MYO7A: variants seen among roughly 807,000 people sequenced by gnomAD.
MYO7A encodes myosin VIIA.
Under a neutral mutation model 263.8 loss-of-function variants are expected in MYO7A, and 210 were observed. The ratio of observed to expected loss-of-function variants is 0.80; its 90% CI spans 0.71 to 0.89. MYO7A has a LOEUF of 0.89. Among genes scored for constraint, MYO7A ranks in the 40% least tolerant of loss-of-function variants. The pLI, the probability that MYO7A is intolerant of heterozygous loss-of-function variation, is 0.00. For synonymous variants in MYO7A, 1,239 were observed against 1,197.3 expected, an observed-to-expected ratio of 1.03 and a Z score of -0.72; for missense variants, 2,820 against 2,968.3, an observed-to-expected ratio of 0.95 and a Z score of 1.16.
chr11:77,163,950 A>G (rs1330132344), intron 14 of MYO7A, among the ~76,000 whole-genome samples: 2 of 152,072 alleles, frequency 1.3e-5, no homozygotes, highest in African/African-American at 4.8e-5. Flanking sequence ...GCTTGTTTGC[A>G]CATTTAGGGA....
intron 20 of MYO7A, among the ~76,000 whole-genome samples, 183 bp from the exon 21 acceptor site, chr11:77,179,552 A>G (rs917417752): frequency 6.6e-6 from 1 of 152,198 alleles, no homozygotes; most frequent in Admixed American, 6.5e-5. Context: ...ACCTAAAAAT[A>G]TGTTGCCTGA....
At position 77,192,162 on chromosome 11, in the gene MYO7A, T is replaced by G; in HGVS notation, c.4036T>G (p.Phe1346Val). 1 of 1,614,008 alleles carries G rather than the reference T, an allele frequency of 6.2e-7. No individual in the cohort carries two copies. The highest frequency in any genetic ancestry group is 8.5e-7 in the Non-Finnish European group (1 of 1,179,886). ...QERNAPWRLF[F>V]RKEVFTPWHS... ...GCGCAACGCCCCCTGGAGGCTCTTC[T>G]TCCGCAAAGAGGTCTTCACGCCCTG... The change falls in exon 31 of 49, where the codon TTC becomes GTC. Residue 1346 changes from phenylalanine (F) to valine (V), a missense_variant. By Grantham distance (50) the Phe-to-Val change is conservative (BLOSUM62 -1). Coordinates refer to ENST00000409709, the MANE Select transcript of MYO7A (RefSeq NM_000260.4).
At chr11:77,212,104 G>A (rs1168925512) in intron 46 of MYO7A, 167 bp downstream of exon 46, 2 of 708,692 alleles carry the variant, frequency 2.8e-6, no homozygotes, top group Non-Finnish European at 5.1e-6. Flanking sequence ...GTCTTAGCTG[G>A]GGTAAGTCCT....
chr11:77,142,065 G>A (rs1294582481), intron 2 of MYO7A, among the ~76,000 whole-genome samples: 1 of 152,202 alleles, frequency 6.6e-6, no homozygotes, highest in African/African-American at 2.4e-5. Flanking sequence ...CTCTGACTTG[G>A]GATTTTACGT....
chr11:77,149,924 G>A (rs781844190), intron 4 of MYO7A, among the ~76,000 whole-genome samples: 34 of 152,152 alleles, frequency 2.2e-4, no homozygotes, highest in Non-Finnish European at 2.2e-4. Context: ...GTATCTCACA[G>A]GGACCCGCTG....
At position 77,158,394 on chromosome 11, in the gene MYO7A, G is replaced by A. The variant is rs1250301241; in HGVS notation, c.967G>A (p.Ala323Thr). Residue 323 changes from alanine to threonine, a missense_variant, in exon 9 of 49, where the codon GCT becomes ACT. Coordinates refer to ENST00000409709, the MANE Select transcript of MYO7A (RefSeq NM_000260.4). ...GAACTGGGAGATCTCGAAGCTCCTG[G>A]CTGCCATCCTGCACCTGGGCAACCT... is the stretch of plus-strand genomic sequence containing the variant. ...TENWEISKLLAAILHLGNLQY... is the reference protein window; with the variant it reads ...TENWEISKLLTAILHLGNLQY... The A allele has an allele frequency of 5.0e-6, 8 of 1,612,864 alleles. No homozygotes were observed. The highest frequency in any genetic ancestry group is 6.8e-6 in the Non-Finnish European group (8 of 1,179,782).
chr11:77,158,387 G>T lies in MYO7A; in HGVS notation c.960G>T (p.Lys320Asn). Reference sequence around the variant, plus strand: ...ACACCGAGAACTGGGAGATCTCGAAGCTCCTGGCTGCCATCCTGCACCTGG... The same window carrying T: ...ACACCGAGAACTGGGAGATCTCGAATCTCCTGGCTGCCATCCTGCACCTGG... ...FTDTENWEIS[K>N]LLAAILHLGN... is the part of the protein sequence containing the mutation. Residue 320 changes from lysine (K) to asparagine (N), a missense_variant, in exon 9 of 49, where the codon AAG (lysine) becomes AAT (asparagine). Coordinates refer to ENST00000409709, the MANE Select transcript of MYO7A (RefSeq NM_000260.4). 6.2e-7 allele frequency: 1 copy of T among 1,613,034 alleles called. No homozygotes were observed. Among genetic ancestry groups the T allele is most frequent in the Non-Finnish European group, 8.5e-7 (1 of 1,179,800 alleles).
intron 34 of MYO7A, 133 bp downstream of exon 34, chr11:77,198,754 C>T: frequency 7.3e-7 from 1 of 1,374,932 alleles, no homozygotes; most frequent in East Asian, 2.5e-5. Context: ...GTTTGTGCCG[C>T]ACTGTGCAGA....
At chr11:77,182,687 A>AG (rs377324147) in intron 25 of MYO7A, 87 bp downstream of exon 25, 77 of 1,301,280 alleles carry the variant, frequency 5.9e-5, no homozygotes, top group Non-Finnish European at 7.9e-5. Flanking sequence ...TCCTCTGCAG[A>AG]AAAAGGATCC....
intron 2 of MYO7A, among the ~76,000 whole-genome samples, chr11:77,131,976 T>C (rs1483664478): frequency 6.6e-6 from 1 of 152,150 alleles, no homozygotes; most frequent in Non-Finnish European, 1.5e-5. Flanking sequence ...TTTCCTCATA[T>C]GTAAAATGAA....
At chr11:77,145,833 G>A (rs933668632) in intron 3 of MYO7A, among the ~76,000 whole-genome samples, 1 of 152,196 alleles carries the variant, frequency 6.6e-6, no homozygotes, top group Non-Finnish European at 1.5e-5. Context: ...TGAGGGCCTG[G>A]GCAGGCTGCC....
chr11:77,189,179 C>T (rs1555090071), intron 27 of MYO7A, among the ~76,000 whole-genome samples, 165 bp from the exon 28 acceptor site: 1 of 152,132 alleles, frequency 6.6e-6, no homozygotes, highest in Non-Finnish European at 1.5e-5. Flanking sequence ...AGACCCCAGC[C>T]CTTGGCTCAG....
intron 2 of MYO7A, chr11:77,139,530 C>T (rs1951080042): frequency 1.3e-5 from 2 of 151,546 alleles, no homozygotes; most frequent in Admixed American, 1.3e-4. Context: ...TGTCACGGAA[C>T]ATGGTGTAGG....
Position 77,184,720 on chromosome 11 carries a change from G to A in MYO7A, c.3503+5G>A. 1.3e-6 allele frequency: 2 copies of A among 1,555,326 alleles called. No individual in the cohort carries two copies. Among genetic ancestry groups the A allele is most frequent in the Non-Finnish European group, 1.7e-6 (2 of 1,148,794 alleles). ...CATCCTGCGGCCAGCACTCCGGTCAGTGCCGGGAGGCGGGGACACCAGGGC... is the reference window on the plus strand; with the variant it reads ...CATCCTGCGGCCAGCACTCCGGTCAATGCCGGGAGGCGGGGACACCAGGGC... On this transcript the variant is annotated splice_donor_5th_base_variant and intron_variant, in intron 27 of 48. Transcript: ENST00000409709.
chr11:77,204,261 A>G (rs1330020282), intron 39 of MYO7A, 32 bp downstream of exon 39: 1 of 1,554,290 alleles, frequency 6.4e-7, no homozygotes, highest in Non-Finnish European at 8.7e-7. Flanking sequence ...GATGAGGGGC[A>G]GACCTCACCT....
At chr11:77,159,590 G>C in intron 10 of MYO7A, 67 bp downstream of exon 10, 1 of 1,480,496 alleles carries the variant, frequency 6.8e-7, no homozygotes, top group Non-Finnish European at 9.4e-7. Flanking sequence ...TAAGCTCATT[G>C]GGGGCTGGGA....
chr11:77,133,991 A>T (rs1261958901), intron 2 of MYO7A, among the ~76,000 whole-genome samples: 2 of 152,116 alleles, frequency 1.3e-5, no homozygotes, highest in African/African-American at 4.8e-5. Context: ...GTGCAATGAC[A>T]CAATCTCGGC....
At chr11:77,132,886 T>C (rs1365096671) in intron 2 of MYO7A, among the ~76,000 whole-genome samples, 1 of 152,226 alleles carries the variant, frequency 6.6e-6, no homozygotes, top group Non-Finnish European at 1.5e-5. Flanking sequence ...AAGCACAAGA[T>C]GGAGCCCACT....
intron 2 of MYO7A, among the ~76,000 whole-genome samples, chr11:77,136,887 C>T (rs1950922682): frequency 6.6e-6 from 1 of 152,202 alleles, no homozygotes; most frequent in Non-Finnish European, 1.5e-5. Context: ...TGCCTCTTAT[C>T]TGGTGGTACC....
Sources: allele counts gnomAD v4.1 joint callset (sites outside exome capture counted in the v4.1 genomes callset), GRCh38; gene constraint gnomAD v4.1.1; transcripts MANE v1.5; gene names NCBI Gene and HGNC (gene_info 2026-07-23, HGNC 2026-07-21).